The following ANGPT4 variants were observed in gnomAD, a reference collection of about 807,000 sequenced individuals.
ANGPT4 encodes angiopoietin 4.
In ANGPT4, 50 loss-of-function variants were observed where a neutral mutation model predicts 53.0. The observed-to-expected ratio is 0.94, with a 90% confidence interval of 0.75 to 1.20. ANGPT4 has a LOEUF of 1.20. Ranked by LOEUF, ANGPT4 falls within the 50% of genes most tolerant of loss-of-function variation. The pLI is 0.00. For synonymous variants in ANGPT4, 251 were observed against 259.7 expected, an observed-to-expected ratio of 0.97 and a Z score of 0.32; for missense variants, 648 against 637.1, an observed-to-expected ratio of 1.02 and a Z score of -0.18.
chr20:910,626 C>CATT (rs1254241225), intron 1 of ANGPT4, among the ~76,000 whole-genome samples: 1 of 152,194 alleles, frequency 6.6e-6, no homozygotes, highest in Non-Finnish European at 1.5e-5. Flanking sequence ...CGTTTTCTAA[C>CATT]ATTTCCTGCC....
At chr20:885,865 G>A (rs1981600720) in intron 3 of ANGPT4, among the ~76,000 whole-genome samples, 2 of 152,210 alleles carry the variant, frequency 1.3e-5, no homozygotes, top group South Asian at 4.1e-4. Context: ...TGTGTGGCAA[G>A]AGAAGAAAGA....
At chr20:875,466 G>T (rs1380102585) in intron 7 of ANGPT4, among the ~76,000 whole-genome samples, 2 of 152,180 alleles carry the variant, frequency 1.3e-5, no homozygotes, top group Non-Finnish European at 2.9e-5. Context: ...GTCCAAGCCT[G>T]CCTGGTGATG....
intron 1 of ANGPT4, among the ~76,000 whole-genome samples, chr20:895,748 CATTGA>C (rs1982022000): frequency 6.6e-6 from 1 of 152,168 alleles, no homozygotes; most frequent in Admixed American, 6.5e-5. Context: ...AGGAAAGAAC[CATTGA>C]TGTGTGCAAA....
chr20:901,110 C>T (rs969334763), intron 1 of ANGPT4, among the ~76,000 whole-genome samples: 3 of 152,194 alleles, frequency 2.0e-5, no homozygotes, highest in Non-Finnish European at 4.4e-5. Flanking sequence ...CCCATTATCT[C>T]TCCATACCAC....
intron 1 of ANGPT4, among the ~76,000 whole-genome samples, chr20:915,259 A>C (rs1982881592): frequency 2.8e-5 from 4 of 143,688 alleles, no homozygotes; most frequent in African/African-American, 8.1e-5. Flanking sequence ...CCCTGCTGTC[A>C]CCTCTCAGAC....
rs758356780 is a variant in ANGPT4, at chr20:885,295, C to T, written c.618G>A (p.Glu206=). 2.3e-5 allele frequency: 36 copies of T among 1,584,712 alleles called. No homozygotes were observed. The highest frequency in any genetic ancestry group is 2.9e-5 in the Non-Finnish European group (34 of 1,168,696). Residue 206 remains glutamate (E), a synonymous_variant, in exon 4 of 9, where the codon GAG becomes GAA. Coordinates refer to ENST00000381922, the MANE Select transcript of ANGPT4 (RefSeq NM_015985.4). ...SALEKRLQAL[E]TKQQEELASI... ...TGGCCAGCTCCTCCTGCTGCTTGGT[C>T]TCCAGGGCCTGCAACCGCTTCTCGA... is the stretch of plus-strand genomic sequence containing the variant.
chr20:899,115 A>T (rs1443307066), intron 1 of ANGPT4, among the ~76,000 whole-genome samples: 1 of 152,038 alleles, frequency 6.6e-6, no homozygotes, highest in African/African-American at 2.4e-5. Flanking sequence ...CTTTTTAATC[A>T]ATACAGAGGC....
chr20:908,796 G>A lies in ANGPT4; in HGVS notation c.309+7110C>T, dbSNP rs1054539409. ...TTGTGTGTGGTGGGGGGCAGGAGTC[G>A]GGGGTTGCACATCTACACATAGTCC... is the stretch of plus-strand genomic sequence containing the variant. On this transcript the variant is annotated intron_variant, in intron 1 of 8. Coordinates refer to ENST00000381922, the MANE Select transcript of ANGPT4 (RefSeq NM_015985.4). This position sits in a 1 kb window ranked among gnomAD's most constrained non-coding sequence, Gnocchi z 4.9. Among the ~76,000 whole-genome samples the A allele has an allele frequency of 4.3e-5, 6 of 138,376 alleles. No homozygotes were observed. Among genetic ancestry groups the A allele is most frequent in the South Asian group, 2.6e-4 (1 of 3,900 alleles). 90.8% of individuals were successfully genotyped at this position (138,376 alleles called of 152,430 possible).
chr20:886,052 G>C (rs961249546), intron 3 of ANGPT4, among the ~76,000 whole-genome samples: 15 of 151,186 alleles, frequency 9.9e-5, no homozygotes, highest in Non-Finnish European at 1.9e-4. Flanking sequence ...CAGGATGGAG[G>C]GCCCAACTTT....
intron 1 of ANGPT4, among the ~76,000 whole-genome samples, chr20:898,091 T>TC (rs1175717323): frequency 6.6e-6 from 1 of 151,888 alleles, no homozygotes; most frequent in Admixed American, 6.6e-5. Flanking sequence ...TCTTTTTTTT[T>TC]CTCTCCTGTC....
In ANGPT4 at chr20:881,271, C is replaced by T; in HGVS notation, c.851G>A (p.Gly284Asp). 6.2e-7 allele frequency: 1 copy of T among 1,614,232 alleles called. No individual in the cohort carries two copies. The highest frequency in any genetic ancestry group is 8.5e-7 in the Non-Finnish European group (1 of 1,180,034). ...NASAPAFIMA[G>D]EQVFQDCAEI... is the part of the protein sequence containing the mutation. ...TGCACAGTCCTGGAACACCTGCTCA[C>T]CTGCCATTATGAAGGCTGCAAAGGG... is the stretch of plus-strand genomic sequence containing the variant. The change falls in exon 5 of 9, where the codon GGT (glycine) becomes GAT (aspartate). Residue 284 changes from glycine to aspartate, a missense_variant. By Grantham distance (94) the Gly-to-Asp change is moderately conservative. Transcript: ENST00000381922.
chr20:878,696 G>A lies in ANGPT4; in HGVS notation c.1054-369C>T, dbSNP rs148064921. ...ACATCTAGCACTGAATGGTGGTCAC[G>A]TGGTTAAATACATATCTAAAGGCTC... On this transcript the variant is annotated intron_variant, in intron 6 of 8. Transcript: ENST00000381922. 2.9e-3 allele frequency among the ~76,000 whole-genome samples: 448 copies of A among 152,286 alleles called. 2 individuals carry two copies. Among genetic ancestry groups the A allele is most frequent in the African/African-American group, 0.01 (418 of 41,548 alleles).
intron 5 of ANGPT4, among the ~76,000 whole-genome samples, chr20:880,544 T>C (rs895212757): frequency 7.3e-5 from 11 of 151,704 alleles, no homozygotes; most frequent in African/African-American, 2.2e-4. Flanking sequence ...GCTGTGATCA[T>C]GCCATTGCAC....
intron 1 of ANGPT4, among the ~76,000 whole-genome samples, chr20:896,304 T>C (rs748891518): frequency 3.3e-5 from 5 of 152,202 alleles, no homozygotes; most frequent in Non-Finnish European, 5.9e-5. Context: ...ATCAGTTGCA[T>C]TGAAATCTTG....
In ANGPT4 at chr20:911,806, C is replaced by T. The variant is rs1237047886; in HGVS notation, c.309+4100G>A. 6.6e-6 allele frequency among the ~76,000 whole-genome samples: 1 copy of T among 151,532 alleles called. No individual in the cohort carries two copies. The highest frequency in any genetic ancestry group is 2.4e-5 in the African/African-American group (1 of 41,200). The stretch of plus-strand genomic sequence containing the variant: ...CCCCAGTGTGGTTGAGAGAGTCAGA[C>T]CTTGTCTTTAGGAGAGAGACAGAGA... On this transcript the variant is annotated intron_variant, in intron 1 of 8. Transcript: ENST00000381922. This position sits in a 1 kb window ranked among gnomAD's most constrained non-coding sequence, Gnocchi z 4.9.
chr20:900,797 C>A (rs1352920877), intron 1 of ANGPT4, among the ~76,000 whole-genome samples: 1 of 151,930 alleles, frequency 6.6e-6, no homozygotes, highest in African/African-American at 2.4e-5. Flanking sequence ...GCCAGTCAAG[C>A]AAATAATTAC....
chr20:915,466 TC>T (rs1169345310), intron 1 of ANGPT4, among the ~76,000 whole-genome samples: 1 of 152,134 alleles, frequency 6.6e-6, no homozygotes, highest in Admixed American at 6.5e-5. Flanking sequence ...AAATGTCACC[TC>T]CTCTGAGAAG....
chr20:902,664 A>G (rs1054462930), intron 1 of ANGPT4, among the ~76,000 whole-genome samples: 1 of 152,204 alleles, frequency 6.6e-6, no homozygotes, highest in Non-Finnish European at 1.5e-5. Context: ...TCTCAAGGCA[A>G]TTTGTTTCCT....
intron 1 of ANGPT4, among the ~76,000 whole-genome samples, chr20:891,167 G>A (rs952415348): frequency 2.6e-5 from 4 of 152,152 alleles, no homozygotes; most frequent in Non-Finnish European, 5.9e-5. Context: ...AGAGCACAGC[G>A]CCCAATCACA....
Sources: allele counts gnomAD v4.1 joint callset (sites outside exome capture counted in the v4.1 genomes callset), GRCh38; gene constraint gnomAD v4.1.1; non-coding constraint Gnocchi (gnomAD v3.1); transcripts MANE v1.5; gene names NCBI Gene and HGNC (gene_info 2026-07-23, HGNC 2026-07-21).